CABIN1: variants seen among roughly 807,000 people sequenced by gnomAD.
The protein encoded by CABIN1 is calcineurin binding protein 1.
In CABIN1, 133 loss-of-function variants were observed where a neutral mutation model predicts 227.7. The observed-to-expected ratio is 0.58, with a 90% CI of 0.51 to 0.67. CABIN1 has a LOEUF of 0.67. CABIN1 is among the 30% of genes least tolerant of loss of function. The pLI is 0.00. For missense variants in CABIN1, 2,408 were observed against 2,852.5 expected, an observed-to-expected ratio of 0.84 and a Z score of 3.55; for synonymous variants, 1,086 against 1,155.1, an observed-to-expected ratio of 0.94 and a Z score of 1.21.
chr22:24,128,640 G>T (rs1187209748), intron 28 of CABIN1, among the ~76,000 whole-genome samples: 6 of 152,206 alleles, frequency 3.9e-5, no homozygotes, highest in Non-Finnish European at 8.8e-5. Context: ...TCCAAAGGCT[G>T]CAGAAGGTCT....
intron 28 of CABIN1, among the ~76,000 whole-genome samples, chr22:24,133,188 C>G (rs1208970956): frequency 1.3e-5 from 2 of 152,182 alleles, no homozygotes; most frequent in Admixed American, 6.5e-5. Flanking sequence ...GCCCAGTGTT[C>G]AGGAGCAGCC....
intron 2 of CABIN1, 71 bp downstream of exon 2, chr22:24,035,591 G>T: frequency 1.3e-6 from 2 of 1,581,998 alleles, no homozygotes; most frequent in East Asian, 2.2e-5. Context: ...GGGGCGAGGG[G>T]CATTTTCCTG....
At chr22:24,061,800 A>C in intron 12 of CABIN1, 147 bp from the exon 13 acceptor site, 1 of 700,640 alleles carries the variant, frequency 1.4e-6, no homozygotes, top group South Asian at 1.5e-5. Context: ...GTAGCCACTG[A>C]TTATCACTTA....
intron 28 of CABIN1, among the ~76,000 whole-genome samples, chr22:24,124,954 A>C (rs2043628946): frequency 6.6e-6 from 1 of 152,170 alleles, no homozygotes; most frequent in African/African-American, 2.4e-5. Flanking sequence ...ACATACTACA[A>C]ATCTATAATA....
In CABIN1 at chr22:24,178,222, G is replaced by A. The variant is rs1434635652; in HGVS notation, c.*26G>A. On this transcript the variant is annotated 3_prime_UTR_variant, in exon 37 of 37. Transcript: ENST00000263119. ...GGGGCCACTGCAGCCCCACCGCCAC[G>A]CCCCAGGGGACCAGCCAGGCCTGGA... The A allele has an allele frequency of 9.9e-6, 16 of 1,611,880 alleles. No individual in the cohort carries two copies. Among genetic ancestry groups the A allele is most frequent in the Non-Finnish European group, 1.4e-5 (16 of 1,179,682 alleles).
intron 24 of CABIN1, 25 bp from the exon 25 acceptor site, chr22:24,095,906 C>T: frequency 6.2e-7 from 1 of 1,613,654 alleles, no homozygotes; most frequent in Middle Eastern, 1.7e-4. Context: ...GAAGGCTGCT[C>T]ACACTAGAGG....
Position 24,043,000 on chromosome 22 carries a change from G to A in CABIN1, c.442G>A (p.Glu148Lys). The A allele has an allele frequency of 6.2e-7, 1 of 1,614,038 alleles. No homozygotes were observed. Among genetic ancestry groups the A allele is most frequent in the Non-Finnish European group, 8.5e-7 (1 of 1,180,008 alleles). ...IRIPLARHAF[E>K]EGLRCNPDHW... is the part of the protein sequence containing the mutation. ...GATCCCCCTGGCTCGCCATGCTTTTGAGGAAGGGCTGCGGTGCAATCCTGA... is the reference window on the plus strand; with the variant it reads ...GATCCCCCTGGCTCGCCATGCTTTTAAGGAAGGGCTGCGGTGCAATCCTGA... The change falls in exon 6 of 37, where the codon GAG becomes AAG. Residue 148 changes from glutamate (E) to lysine (K), a missense_variant. Transcript: ENST00000263119.
Position 24,064,165 on chromosome 22 carries a change from ACT to A in CABIN1, c.2018_2019del (p.Ser673CysfsTer8). On this transcript the variant is annotated frameshift_variant, in exon 15 of 37. Coordinates refer to ENST00000263119, the MANE Select transcript of CABIN1 (RefSeq NM_012295.4). LOFTEE classifies it high-confidence loss of function. ...ATCCGGCTGCCCAACCTCCATAATG[ACT>A]CTGTGGTTTCCCTGGAGGAGGTAAG... 1 of 1,613,918 alleles carries A rather than the reference ACT, an allele frequency of 6.2e-7. No individual in the cohort carries two copies. The highest frequency in any genetic ancestry group is 1.1e-5 in the South Asian group (1 of 91,056).
intron 19 of CABIN1, among the ~76,000 whole-genome samples, chr22:24,081,975 C>T (rs552198141): frequency 1.3e-5 from 2 of 152,090 alleles, no homozygotes; most frequent in East Asian, 1.9e-4. Context: ...TACAGTGAGC[C>T]GAGATTGTTC....
rs2041875156 is a variant in CABIN1 at position 24,096,092 on chromosome 22, A to T, written c.3938+10A>T. The T allele has an allele frequency of 6.2e-7, 1 of 1,613,860 alleles. No homozygotes were observed. The highest frequency in any genetic ancestry group is 2.2e-5 in the East Asian group (1 of 44,868). On this transcript the variant is annotated intron_variant, in intron 25 of 36. Transcript: ENST00000263119. ...CCAAAGCTTCAGAAAAGTGAGTAGC[A>T]CCCTTCAGGCGACCCCTAGCAGCTT... is the stretch of plus-strand genomic sequence containing the variant.
rs891994586 is a variant in CABIN1 at position 24,098,188 on chromosome 22, G to A, written c.4113G>A (p.Pro1371=). 3.1e-6 allele frequency: 5 copies of A among 1,614,040 alleles called. No individual in the cohort carries two copies. Among genetic ancestry groups the A allele is most frequent in the Non-Finnish European group, 4.2e-6 (5 of 1,179,996 alleles). ...AAAAACCCCACCAGCAGGCAACGCC[G>A]GACGGTACAGTCCCTGTTCTCCCTA... ...KCKKPHQQAT[P]DDRSQDSTAV... is the part of the protein sequence containing the mutation. Residue 1371 remains proline (P), a synonymous_variant, in exon 26 of 37, where the codon CCG becomes CCA. Transcript: ENST00000263119.
chr22:24,154,944 G>C (rs911652797), intron 29 of CABIN1, among the ~76,000 whole-genome samples: 1 of 152,112 alleles, frequency 6.6e-6, no homozygotes, highest in Non-Finnish European at 1.5e-5. Context: ...GAGGCCCCTG[G>C]GTGTCTGTGG....
intron 14 of CABIN1, among the ~76,000 whole-genome samples, chr22:24,063,481 A>G (rs2039351930): frequency 6.6e-6 from 1 of 152,102 alleles, no homozygotes; most frequent in African/African-American, 2.4e-5. Context: ...TTCCTGAGAG[A>G]GCCCGAGCAA....
Position 24,176,093 on chromosome 22 carries a change from G to A in CABIN1, c.6041-18G>A. ...GGTGGATGAGTCTATTACCTGCAGT[G>A]AGCCCATGTCCCCACAGAGGGAGAA... On this transcript the variant is annotated intron_variant, in intron 34 of 36. Transcript: ENST00000263119. 6.2e-7 allele frequency: 1 copy of A among 1,607,430 alleles called. No homozygotes were observed. The highest frequency in any genetic ancestry group is 8.5e-7 in the Non-Finnish European group (1 of 1,177,532).
intron 29 of CABIN1, among the ~76,000 whole-genome samples, chr22:24,151,397 G>C (rs1602366515): frequency 6.6e-6 from 1 of 152,260 alleles, no homozygotes; most frequent in East Asian, 1.9e-4. Context: ...AGAGGAGCCA[G>C]ATCCCCACAA....
At chr22:24,176,298 C>G (rs368571546) in intron 35 of CABIN1, 23 bp downstream of exon 35, 1 of 1,582,686 alleles carries the variant, frequency 6.3e-7, no homozygotes, top group Non-Finnish European at 8.6e-7. Context: ...GGGAGCAGCC[C>G]AGCACCAGCC....
chr22:24,065,792 A>G (rs1320644702), intron 15 of CABIN1, among the ~76,000 whole-genome samples: 1 of 152,274 alleles, frequency 6.6e-6, no homozygotes, highest in Admixed American at 6.5e-5. Context: ...ACTCGCGATT[A>G]GGAGCTGGAG....
At chr22:24,038,294 TAAA>T in intron 3 of CABIN1, 51 bp from the exon 4 acceptor site, 1 of 1,487,682 alleles carries the variant, frequency 6.7e-7, no homozygotes, top group Non-Finnish European at 9.4e-7. Context: ...ATTTTTGGCT[TAAA>T]AAAGACAGAT....
rs763971010 is a variant in CABIN1, at chr22:24,178,149, T to C, written c.6616T>C (p.Ser2206Pro). 1.9e-6 allele frequency: 3 copies of C among 1,613,632 alleles called. No homozygotes were observed. In the Admixed American group the frequency reaches 5.0e-5, roughly 27 times the overall value. ...CCTGGAGACATCCAGCCAGGAGTCCTCGCTGGAGAGCGAGACAGACGAGGA... is the reference window on the plus strand; with the variant it reads ...CCTGGAGACATCCAGCCAGGAGTCCCCGCTGGAGAGCGAGACAGACGAGGA... ...EVLETSSQES[S>P]LESETDEDDD... Residue 2206 changes from serine to proline, a missense_variant, in exon 37 of 37, where the codon TCG (serine) becomes CCG (proline). This residue lies in a region of CABIN1 where 714 missense variants were observed against 773.8 expected (regional missense o/e 0.92). Coordinates refer to ENST00000263119, the MANE Select transcript of CABIN1 (RefSeq NM_012295.4).
Sources: allele counts gnomAD v4.1 joint callset (sites outside exome capture counted in the v4.1 genomes callset), GRCh38; gene constraint gnomAD v4.1.1; regional missense constraint gnomAD v4.1.1; transcripts MANE v1.5; gene names NCBI Gene and HGNC (gene_info 2026-07-23, HGNC 2026-07-21).